CCDC39: variants seen among roughly 807,000 people sequenced by gnomAD.
CCDC39 encodes coiled-coil domain-containing protein 39.
CCDC39 carries 113 observed loss-of-function variants against 121.0 expected under a neutral mutation model. The observed-to-expected ratio is 0.93, with a 90% confidence interval of 0.80 to 1.09. The LOEUF (loss-of-function observed/expected upper bound fraction) is 1.09, where lower values mean the gene tolerates loss of function less well. Ranked by LOEUF, CCDC39 falls within the 50% of genes least tolerant of loss-of-function variation. The pLI, the probability that CCDC39 is intolerant of heterozygous loss-of-function variation, is 0.00. For missense variants in CCDC39, 1,063 were observed against 1,074.7 expected (o/e 0.99, Z 0.15); for synonymous variants, 349 against 352.2 (o/e 0.99, Z 0.10).
chr3:180,631,121 G>C (rs2108412816), intron 14 of CCDC39, among the ~76,000 whole-genome samples: 1 of 152,162 alleles, frequency 6.6e-6, no homozygotes, highest in Non-Finnish European at 1.5e-5. Context: ...GCAAATAATA[G>C]CAAAAAGAAA....
intron 10 of CCDC39, among the ~76,000 whole-genome samples, chr3:180,647,688 G>A (rs1028828722): frequency 6.7e-6 from 1 of 148,422 alleles, no homozygotes; most frequent in Non-Finnish European, 1.5e-5. Context: ...TAAAAACTAA[G>A]AATATATATT....
chr3:180,627,344 A>G (rs1717587881), intron 14 of CCDC39, among the ~76,000 whole-genome samples: 1 of 152,238 alleles, frequency 6.6e-6, no homozygotes, highest in Non-Finnish European at 1.5e-5. Context: ...TTCATCTGAA[A>G]TATAAAAGAA....
intron 1 of CCDC39, among the ~76,000 whole-genome samples, chr3:180,665,097 G>C (rs904369419): frequency 6.6e-6 from 1 of 152,100 alleles, no homozygotes; most frequent in Non-Finnish European, 1.5e-5. Context: ...TAGTCGCAAG[G>C]CATCAAGCAT....
At chr3:180,668,412 C>A (rs1173001042) in intron 1 of CCDC39, among the ~76,000 whole-genome samples, 1 of 152,036 alleles carries the variant, frequency 6.6e-6, no homozygotes, top group African/African-American at 2.4e-5. Flanking sequence ...ACCAAGGACT[C>A]TTCCAGACTT....
At chr3:180,642,688 T>A (rs1337801888) in intron 12 of CCDC39, among the ~76,000 whole-genome samples, 2 of 152,096 alleles carry the variant, frequency 1.3e-5, no homozygotes, top group Non-Finnish European at 1.5e-5. Flanking sequence ...AAACGTGGCT[T>A]TTCATTTGGA....
chr3:180,625,882 G>GTATC (rs1190593643), intron 14 of CCDC39, among the ~76,000 whole-genome samples: 1 of 151,900 alleles, frequency 6.6e-6, no homozygotes, highest in Non-Finnish European at 1.5e-5. Context: ...TGGGCTGAGT[G>GTATC]TATCTATTCT....
rs1718069289 is a variant in CCDC39, at chr3:180,646,411, C to T, written c.1527+668G>A. On this transcript the variant is annotated intron_variant, in intron 11 of 19. Transcript: ENST00000476379. ...AATAACAATTAGACCCTACTAAGTTCTCACCCCATTCATGTCCACACTCAC... is the reference window on the plus strand; with the variant it reads ...AATAACAATTAGACCCTACTAAGTTTTCACCCCATTCATGTCCACACTCAC... Among the ~76,000 whole-genome samples, 3 of 152,050 alleles carry T rather than the reference C, an allele frequency of 2.0e-5. No homozygotes were observed. In the South Asian group the frequency reaches 6.2e-4, roughly 31 times the overall value.
At chr3:180,675,860 T>C (rs920810388) in intron 1 of CCDC39, among the ~76,000 whole-genome samples, 3 of 151,886 alleles carry the variant, frequency 2.0e-5, no homozygotes, top group African/African-American at 7.3e-5. Flanking sequence ...AACCATCTGA[T>C]CTTTGACAAA....
chr3:180,660,682 T>C lies in CCDC39; in HGVS notation c.404A>G (p.Gln135Arg). The part of the protein sequence containing the change: ...ATQKLDGLKC[Q>R]MNWDQQALEA... ...CAATGCTTGCTGGTCCCAGTTCATTTGACATTTCAAACCATCCAATTTTTG... is the reference window on the plus strand; with the variant it reads ...CAATGCTTGCTGGTCCCAGTTCATTCGACATTTCAAACCATCCAATTTTTG... The change falls in exon 4 of 20, where the codon CAA becomes CGA. Residue 135 changes from glutamine to arginine, a missense_variant. Gln to Arg is a conservative substitution (Grantham distance 43, BLOSUM62 1). Transcript: ENST00000476379. The C allele has an allele frequency of 3.7e-6, 6 of 1,602,994 alleles. No individual in the cohort carries two copies. The highest frequency in any genetic ancestry group is 5.1e-6 in the Non-Finnish European group (6 of 1,173,888).
chr3:180,662,075 A>T, intron 2 of CCDC39, 68 bp from the exon 3 acceptor site: 1 of 1,408,066 alleles, frequency 7.1e-7, no homozygotes, highest in Non-Finnish European at 9.6e-7. Flanking sequence ...AATATTTATA[A>T]TAATCCATTA....
Position 180,616,632 on chromosome 3 carries a change from GTTC to G in CCDC39, c.2467_2469del (p.Glu823del). The G allele has an allele frequency of 1.3e-6, 2 of 1,595,818 alleles. No individual in the cohort carries two copies. Among genetic ancestry groups the G allele is most frequent in the South Asian group, 2.3e-5 (2 of 88,624 alleles). ...TTCATTTCACGAAGTTTGATGTCTT[GTTC>G]TTCCATTGTTTCATCTTTTGTGTCT... is the stretch of plus-strand genomic sequence containing the variant. On this transcript the variant is annotated inframe_deletion, in exon 18 of 20. Coordinates refer to ENST00000476379, the MANE Select transcript of CCDC39 (RefSeq NM_181426.2).
At chr3:180,651,273 A>G (rs974631256) in intron 9 of CCDC39, 128 bp downstream of exon 9, 7 of 705,562 alleles carry the variant, frequency 9.9e-6, no homozygotes, top group African/African-American at 1.8e-5. Context: ...AAACCAGATT[A>G]TAAATGTGAT....
At chr3:180,647,595 T>C (rs1364020208) in intron 10 of CCDC39, among the ~76,000 whole-genome samples, 2 of 152,128 alleles carry the variant, frequency 1.3e-5, no homozygotes, top group Non-Finnish European at 2.9e-5. Context: ...AAACAGGTAG[T>C]CACTAATTGT....
intron 6 of CCDC39, among the ~76,000 whole-genome samples, chr3:180,657,633 A>C (rs1711613467): frequency 6.6e-6 from 1 of 152,220 alleles, no homozygotes; most frequent in African/African-American, 2.4e-5. Flanking sequence ...AATTAACCTA[A>C]TAATGCCTCA....
At chr3:180,678,618 T>C (rs1712301649) in intron 1 of CCDC39, among the ~76,000 whole-genome samples, 1 of 151,986 alleles carries the variant, frequency 6.6e-6, no homozygotes, top group Non-Finnish European at 1.5e-5. Flanking sequence ...CCTCCCAAAG[T>C]GCTGGGATTA....
At position 180,614,596 on chromosome 3, in the gene CCDC39, G is replaced by A. The variant is rs73883902; in HGVS notation, c.*325C>T. ...TTTAGAAATTTCTTCTTGAAAGATT[G>A]TTACATTAGAAGTGAGTGTAGTTTC... On this transcript the variant is annotated 3_prime_UTR_variant, in exon 20 of 20. Coordinates refer to ENST00000476379, the MANE Select transcript of CCDC39 (RefSeq NM_181426.2). 1,064 of 212,532 alleles carry A rather than the reference G, an allele frequency of 5.0e-3. 18 individuals are homozygous for A. Among genetic ancestry groups the A allele is most frequent in the African/African-American group, 0.024 (1,030 of 42,564 alleles). 13.2% of individuals were successfully genotyped at this position (212,532 alleles called of 1,614,324 possible). A position where few individuals can be genotyped will look rare whatever the true frequency, so the allele number is the denominator to read the frequency against.
chr3:180,616,966 T>C lies in CCDC39; in HGVS notation c.2266A>G (p.Ser756Gly). ...QIRELQEDIQ[S>G]MENTLDVIEH... Reference sequence around the variant, plus strand: ...ATAACATCTAATGTATTTTCCATGCTCTGTAGAAAAAATATTAACATGTAT... The same window carrying C: ...ATAACATCTAATGTATTTTCCATGCCCTGTAGAAAAAATATTAACATGTAT... Residue 756 changes from serine to glycine, a missense_variant and splice_region_variant, in exon 17 of 20, where the codon AGC (serine) becomes GGC (glycine). Transcript: ENST00000476379. 1 of 1,330,546 alleles carries C rather than the reference T, an allele frequency of 7.5e-7. No individual in the cohort carries two copies. The highest frequency in any genetic ancestry group is 1.0e-6 in the Non-Finnish European group (1 of 979,076). 82.4% of individuals were successfully genotyped at this position (1,330,546 alleles called of 1,614,324 possible).
At chr3:180,640,469 A>C (rs1279084932) in intron 13 of CCDC39, among the ~76,000 whole-genome samples, 4 of 152,066 alleles carry the variant, frequency 2.6e-5, no homozygotes. Context: ...TAATGAAATA[A>C]TGAATGGACA....
Position 180,631,577 on chromosome 3 carries a change from C to T in CCDC39, c.1890G>A (p.Glu630=), listed in dbSNP as rs1285973489. ...ERENISTEFR[E]RLSKIEKLKN... Reference sequence around the variant, plus strand: ...TCAGCTTCTCAATTTTACTTAGCCGCTCGCGAAACTCAGTGCTAATAAGAA... The same window carrying T: ...TCAGCTTCTCAATTTTACTTAGCCGTTCGCGAAACTCAGTGCTAATAAGAA... Residue 630 remains glutamate, a synonymous_variant, in exon 14 of 20, where the codon GAG becomes GAA. Coordinates refer to ENST00000476379, the MANE Select transcript of CCDC39 (RefSeq NM_181426.2). 1.2e-6 allele frequency: 2 copies of T among 1,607,078 alleles called. No homozygotes were observed. Among genetic ancestry groups the T allele is most frequent in the Non-Finnish European group, 1.7e-6 (2 of 1,179,010 alleles).
Sources: allele counts gnomAD v4.1 joint callset (sites outside exome capture counted in the v4.1 genomes callset), GRCh38; gene constraint gnomAD v4.1.1; transcripts MANE v1.5; gene names NCBI Gene and HGNC (gene_info 2026-07-23, HGNC 2026-07-21).